SDK1: variants seen among roughly 807,000 people sequenced by gnomAD.
SDK1 encodes the protein sidekick cell adhesion molecule 1.
Under a neutral mutation model 245.5 loss-of-function variants are expected in SDK1, and 157 were observed. That is an observed-to-expected ratio of 0.64 (90% CI 0.56 to 0.73). The LOEUF is 0.73. Among genes scored for constraint, SDK1 ranks in the 30% least tolerant of loss-of-function variants. The pLI, the probability that SDK1 is intolerant of heterozygous loss-of-function variation, is 0.00. For missense variants in SDK1, 3,583 were observed against 3,002.3 expected (o/e 1.19, Z -4.52); for synonymous variants, 1,647 against 1,278.5 (o/e 1.29, Z -6.15).
chr7:3,989,280 G>T (rs933420685), intron 14 of SDK1, among the ~76,000 whole-genome samples: 1 of 152,180 alleles, frequency 6.6e-6, no homozygotes, highest in African/African-American at 2.4e-5. Context: ...AAGACAGCTT[G>T]TGCAGGAAAA....
chr7:4,103,064 G>A (rs1021193627), intron 22 of SDK1, among the ~76,000 whole-genome samples: 2 of 149,856 alleles, frequency 1.3e-5, no homozygotes, highest in Non-Finnish European at 3.0e-5. Flanking sequence ...GTAGTGGTGC[G>A]ATCTCGGCTC....
chr7:3,330,051 A>G (rs775613530), intron 1 of SDK1, among the ~76,000 whole-genome samples: 2 of 152,168 alleles, frequency 1.3e-5, no homozygotes, highest in Non-Finnish European at 2.9e-5. Context: ...TTATGGCTAA[A>G]TAGTATTTCA....
At chr7:3,411,093 C>G (rs1232139409) in intron 1 of SDK1, among the ~76,000 whole-genome samples, 1 of 152,018 alleles carries the variant, frequency 6.6e-6, no homozygotes, top group Non-Finnish European at 1.5e-5. Context: ...GAAAAACTTA[C>G]AGAAAGGTAG....
At chr7:4,263,478 G>A (rs1488471998) in intron 44 of SDK1, among the ~76,000 whole-genome samples, 7 of 144,288 alleles carry the variant, frequency 4.9e-5, no homozygotes, top group South Asian at 2.3e-4. Flanking sequence ...GAGGGAGTCC[G>A]CGTAGATCTC....
intron 4 of SDK1, among the ~76,000 whole-genome samples, chr7:3,697,939 C>T (rs1288026661): frequency 6.6e-6 from 1 of 152,100 alleles, no homozygotes; most frequent in Admixed American, 6.5e-5. Flanking sequence ...TAGGAAGATA[C>T]TGAACAGTGG....
At chr7:3,614,343 CAGA>C (rs1781699380) in intron 1 of SDK1, among the ~76,000 whole-genome samples, 1 of 152,178 alleles carries the variant, frequency 6.6e-6, no homozygotes, top group African/African-American at 2.4e-5. Context: ...TGTTAGAATA[CAGA>C]AGTATTCCTA....
At chr7:4,241,734 C>T (rs958974961) in intron 42 of SDK1, 59 bp from the exon 43 acceptor site, 32 of 1,604,402 alleles carry the variant, frequency 2.0e-5, no homozygotes, top group South Asian at 1.8e-4. Flanking sequence ...TCTGGCTTGG[C>T]GTGGCTGCGG....
At chr7:3,727,578 C>T (rs1779046674) in intron 4 of SDK1, among the ~76,000 whole-genome samples, 1 of 152,228 alleles carries the variant, frequency 6.6e-6, no homozygotes, top group East Asian at 1.9e-4. Context: ...GCAACCTCCA[C>T]CTCCTGGGTT....
chr7:3,893,882 TCTAA>T (rs1781525798), intron 5 of SDK1, among the ~76,000 whole-genome samples: 2 of 152,140 alleles, frequency 1.3e-5, no homozygotes. Context: ...ATATTTATTG[TCTAA>T]CTGATTTTCC....
In SDK1 at chr7:3,846,506, C is replaced by G. The variant is rs570920318; in HGVS notation, c.847+24923C>G. ...ACTGCGGACTGCCTTCCCCAAGGCC[C>G]TGCTCCCTGCACACCTCACTCTCAA... On this transcript the variant is annotated intron_variant, in intron 5 of 44. Coordinates refer to ENST00000404826, the MANE Select transcript of SDK1 (RefSeq NM_152744.4). 5.3e-5 allele frequency among the ~76,000 whole-genome samples: 8 copies of G among 152,318 alleles called. No homozygotes were observed. In the South Asian group the frequency reaches 1.7e-3, roughly 32 times the overall value.
intron 1 of SDK1, among the ~76,000 whole-genome samples, chr7:3,493,360 C>G (rs1182569672): frequency 6.6e-6 from 1 of 152,204 alleles, no homozygotes; most frequent in African/African-American, 2.4e-5. Context: ...AGTTTTTAAT[C>G]TTTAAGTCCA....
At chr7:3,773,406 T>G (rs1009663874) in intron 4 of SDK1, among the ~76,000 whole-genome samples, 6 of 152,138 alleles carry the variant, frequency 3.9e-5, no homozygotes, top group Non-Finnish European at 7.3e-5. Context: ...GTTTTCTGTC[T>G]TTATTTATAT....
intron 28 of SDK1, 49 bp from the exon 29 acceptor site, chr7:4,145,673 G>A: frequency 6.5e-7 from 1 of 1,535,124 alleles, no homozygotes; most frequent in South Asian, 1.2e-5. Flanking sequence ...GCTTCCCTGT[G>A]CCGTGGGTGA....
chr7:4,139,663 ATGTG>A (rs746204966), intron 28 of SDK1, among the ~76,000 whole-genome samples: 1 of 74,910 alleles, frequency 1.3e-5, no homozygotes, highest in African/African-American at 5.2e-5. Flanking sequence ...GTGTGTGTAT[ATGTG>A]TGTGTGTATA....
chr7:3,592,579 C>A (rs1476026040), intron 1 of SDK1, among the ~76,000 whole-genome samples: 1 of 152,010 alleles, frequency 6.6e-6, no homozygotes, highest in Non-Finnish European at 1.5e-5. Context: ...TTTATTTTTC[C>A]CTGAGCTGGA....
rs980100645 is a variant in SDK1, at chr7:3,809,294, C to T, written c.714-12156C>T. Among the ~76,000 whole-genome samples the T allele has an allele frequency of 2.0e-5, 3 of 152,104 alleles. No individual in the cohort carries two copies. In the South Asian group the frequency reaches 6.2e-4, roughly 32 times the overall value. On this transcript the variant is annotated intron_variant, in intron 4 of 44. Coordinates refer to ENST00000404826, the MANE Select transcript of SDK1 (RefSeq NM_152744.4). ...TGAGGACAGCACCAAGAGGATGGTG[C>T]TAAATATTCATGAGAAATCCACCCT...
intron 1 of SDK1, among the ~76,000 whole-genome samples, chr7:3,424,677 G>A (rs1391867686): frequency 2.6e-5 from 4 of 152,062 alleles, no homozygotes; most frequent in African/African-American, 7.2e-5. Context: ...TAGGAGGATC[G>A]CTTGAGGCCG....
chr7:4,238,210 G>T (rs1374070985), intron 42 of SDK1, among the ~76,000 whole-genome samples: 1 of 152,014 alleles, frequency 6.6e-6, no homozygotes, highest in African/African-American at 2.4e-5. Context: ...CTCCTGAGTA[G>T]CTGGGATTAC....
intron 35 of SDK1, among the ~76,000 whole-genome samples, chr7:4,203,849 A>G (rs935123947): frequency 6.6e-6 from 1 of 152,212 alleles, no homozygotes; most frequent in African/African-American, 2.4e-5. Context: ...GCCTGCAGTA[A>G]TTTTACGGTC....
Sources: gnomAD v4.1 joint callset for allele counts (sites outside exome capture counted in the v4.1 genomes callset) on GRCh38, gnomAD v4.1.1 for gene constraint, MANE v1.5 for transcripts, NCBI Gene and HGNC (gene_info 2026-07-23, HGNC 2026-07-21) for gene names.